Variants in TXLNA observed in about 807,000 individuals in gnomAD.
TXLNA encodes taxilin alpha, also known as alpha-taxilin.
Under a neutral mutation model 61.4 loss-of-function variants are expected in TXLNA, and 9 were observed. The ratio of observed to expected loss-of-function variants is 0.15; its 90% confidence interval spans 0.09 to 0.26. The LOEUF (loss-of-function observed/expected upper bound fraction) is 0.26, where lower values mean the gene tolerates loss of function less well. Among genes scored for constraint, TXLNA ranks in the 10% least tolerant of loss-of-function variants. The probability of loss-of-function intolerance (pLI) is 1.00; values close to 1 mark genes in which losing one functional copy is unlikely to be tolerated. For missense variants in TXLNA, 565 were observed against 688.8 expected (o/e 0.82, Z 2.01); for synonymous variants, 257 against 267.7 (o/e 0.96, Z 0.39).
At chr1:32,193,743 G>C (rs1476196202) in intron 9 of TXLNA, among the ~76,000 whole-genome samples, 2 of 151,418 alleles carry the variant, frequency 1.3e-5, no homozygotes, top group African/African-American at 4.9e-5. Flanking sequence ...TTTTAGTAGA[G>C]ACGGGGTTTC....
Position 32,193,202 on chromosome 1 carries a change from C to G in TXLNA, c.1159-6C>G. 6.2e-7 allele frequency: 1 copy of G among 1,612,136 alleles called. No homozygotes were observed. Among genetic ancestry groups the G allele is most frequent in the Non-Finnish European group, 8.5e-7 (1 of 1,178,366 alleles). On this transcript the variant is annotated splice_polypyrimidine_tract_variant and splice_region_variant and intron_variant, in intron 8 of 10. Transcript: ENST00000373610. ...GTCTTATCTGTGGGCTGCTTTCTCCCCACAGCTTGCCCTATACACAGAGAA... is the reference window on the plus strand; with the variant it reads ...GTCTTATCTGTGGGCTGCTTTCTCCGCACAGCTTGCCCTATACACAGAGAA...
chr1:32,194,179 G>A lies in TXLNA; in HGVS notation c.1347+19G>A. The A allele has an allele frequency of 6.2e-7, 1 of 1,605,592 alleles. No individual in the cohort carries two copies. The highest frequency in any genetic ancestry group is 1.1e-5 in the South Asian group (1 of 90,524). ...TGAGGAGGTGGGCTGTCTGTGATCTGCAGCCAGGGTGGGGGTGTGCACTTA... is the reference window on the plus strand; with the variant it reads ...TGAGGAGGTGGGCTGTCTGTGATCTACAGCCAGGGTGGGGGTGTGCACTTA... On this transcript the variant is annotated intron_variant, in intron 10 of 10. Transcript: ENST00000373610.
In TXLNA at chr1:32,192,178, G is replaced by A. The variant is rs867154292; in HGVS notation, c.964-133G>A. 19 of 1,332,222 alleles carry A rather than the reference G, an allele frequency of 1.4e-5. No individual in the cohort carries two copies. In the Middle Eastern group the frequency reaches 2.2e-3, roughly 153 times the overall value. The allele number at this position is 1,332,222 out of a possible 1,614,324, so 82.5% of individuals were successfully genotyped here. ...TCCAGAGACTTGGGGCCCATGTTGT[G>A]TGGTACACATGGGAGTCCATCATAT... is the stretch of plus-strand genomic sequence containing the variant. On this transcript the variant is annotated intron_variant, in intron 6 of 10. Coordinates refer to ENST00000373610, the MANE Select transcript of TXLNA (RefSeq NM_175852.4). The surrounding 1 kb of genome is among the most constrained non-coding windows in gnomAD (Gnocchi z 4.2).
At chr1:32,190,309 A>G in intron 6 of TXLNA, 60 bp downstream of exon 6, 2 of 1,494,356 alleles carry the variant, frequency 1.3e-6, no homozygotes, top group Non-Finnish European at 9.1e-7. Flanking sequence ...AGTGTGTGCT[A>G]GGCACTGGGA....
intron 4 of TXLNA, among the ~76,000 whole-genome samples, chr1:32,185,581 T>A (rs1049235411): frequency 2.1e-5 from 3 of 145,964 alleles, no homozygotes; most frequent in African/African-American, 5.1e-5. Context: ...TTTTTTTTTT[T>A]AGTAGAGACG....
At chr1:32,184,861 C>G (rs1308101166) in intron 4 of TXLNA, among the ~76,000 whole-genome samples, 1 of 152,202 alleles carries the variant, frequency 6.6e-6, no homozygotes, top group African/African-American at 2.4e-5. Context: ...AGCCCTTGTT[C>G]CTGGCCTGAG....
intron 6 of TXLNA, among the ~76,000 whole-genome samples, chr1:32,191,242 C>G (rs182218293): frequency 5.9e-5 from 9 of 152,320 alleles, no homozygotes; most frequent in African/African-American, 1.9e-4. Context: ...CTGCAGCCCC[C>G]TTACAGGGCT....
chr1:32,180,199 G>T, intron 1 of TXLNA, 115 bp from the exon 2 acceptor site: 1 of 1,150,098 alleles, frequency 8.7e-7, no homozygotes, highest in Middle Eastern at 2.1e-4. Flanking sequence ...CCCTCCGCCC[G>T]GGCCTGCCGG....
Position 32,196,614 on chromosome 1 carries a change from C to T in TXLNA, c.*1419C>T, listed in dbSNP as rs1463528638. On this transcript the variant is annotated 3_prime_UTR_variant, in exon 11 of 11. Transcript: ENST00000373610. ...ATGCTGAATGTTCTGCTGTTGCAAA[C>T]TTGCCAGGGTATTAGCCAGTGTTTG... 2 of 152,252 alleles carry T rather than the reference C, an allele frequency of 1.3e-5. No individual in the cohort carries two copies. Among genetic ancestry groups the T allele is most frequent in the African/African-American group, 2.4e-5 (1 of 41,450 alleles). 9.4% of individuals were successfully genotyped at this position (152,252 alleles called of 1,614,324 possible). A position where few individuals can be genotyped will look rare whatever the true frequency, so the allele number is the denominator to read the frequency against.
In TXLNA at chr1:32,181,475, C is replaced by G. The variant is rs1219746121; in HGVS notation, c.403C>G (p.Pro135Ala). The G allele has an allele frequency of 6.2e-7, 1 of 1,613,020 alleles. No individual in the cohort carries two copies. The highest frequency in any genetic ancestry group is 1.1e-5 in the South Asian group (1 of 90,882). The change falls in exon 3 of 11, where the codon CCC becomes GCC. Residue 135 changes from proline (P) to alanine (A), a missense_variant. This residue lies in a region of TXLNA where 192 missense variants were observed against 184.8 expected (regional missense o/e 1.04). Coordinates refer to ENST00000373610, the MANE Select transcript of TXLNA (RefSeq NM_175852.4). The stretch of plus-strand genomic sequence containing the variant: ...TCCAGTAGTCAATGGAGAGAAGGAA[C>G]CCTCCAAGGGGGATCCAAACACAGA... Reference protein sequence around the residue: ...PTPVVNGEKEPSKGDPNTEEI... With the variant: ...PTPVVNGEKEASKGDPNTEEI...
intron 6 of TXLNA, among the ~76,000 whole-genome samples, chr1:32,190,983 A>G (rs1243198219): frequency 6.6e-6 from 1 of 151,720 alleles, no homozygotes; most frequent in Non-Finnish European, 1.5e-5. Context: ...AGTCCCAGCT[A>G]CTCAGGAGGC....
intron 4 of TXLNA, 114 bp from the exon 5 acceptor site, chr1:32,187,840 G>A: frequency 8.4e-7 from 1 of 1,186,644 alleles, no homozygotes; most frequent in South Asian, 1.6e-5. Flanking sequence ...GAGTGCTCCT[G>A]GCCTGAGAGG....
At chr1:32,193,632 C>G (rs968012721) in intron 9 of TXLNA, among the ~76,000 whole-genome samples, 21 of 152,218 alleles carry the variant, frequency 1.4e-4, no homozygotes, top group African/African-American at 5.1e-4. Flanking sequence ...CCTTTGCCCC[C>G]CGGGTTCAAG....
At chr1:32,182,523 A>G (rs1299580989) in intron 3 of TXLNA, among the ~76,000 whole-genome samples, 2 of 151,834 alleles carry the variant, frequency 1.3e-5, no homozygotes, top group African/African-American at 2.4e-5. Flanking sequence ...TTAGCTGGAC[A>G]TGCTGGCACA....
rs1454662376 is a variant in TXLNA, at chr1:32,195,642, T to G, written c.*447T>G. 2 of 440,780 alleles carry G rather than the reference T, an allele frequency of 4.5e-6. No individual in the cohort carries two copies. The highest frequency in any genetic ancestry group is 9.0e-6 in the Non-Finnish European group (2 of 221,780). The allele number at this position is 440,780 out of a possible 1,614,324, so 27.3% of individuals were successfully genotyped here. A position where few individuals can be genotyped will look rare whatever the true frequency, so the allele number is the denominator to read the frequency against. On this transcript the variant is annotated 3_prime_UTR_variant, in exon 11 of 11. Transcript: ENST00000373610. ...CATTTGTCTTGTGAGCAGGGCTTGC[T>G]TGGTCAGCTCAGGCCCTCCTAGCTG...
intron 5 of TXLNA, 123 bp downstream of exon 5, chr1:32,188,247 GTGATTAAAAATCTTC>G (rs1642829260): frequency 1.2e-5 from 12 of 1,037,482 alleles, no homozygotes; most frequent in African/African-American, 1.6e-5. Flanking sequence ...GCACACATAA[GTGATTAAAAATCTTC>G]TGGCCACTAA....
chr1:32,193,973 C>A, intron 9 of TXLNA, 92 bp from the exon 10 acceptor site: 1 of 1,011,488 alleles, frequency 9.9e-7, no homozygotes, highest in Non-Finnish European at 1.5e-6. Context: ...TCATTCCCCA[C>A]CTTGGAGACA....
chr1:32,192,563 C>G lies in TXLNA; in HGVS notation c.1084-94C>G. On this transcript the variant is annotated intron_variant, in intron 7 of 10. Coordinates refer to ENST00000373610, the MANE Select transcript of TXLNA (RefSeq NM_175852.4). The surrounding 1 kb of genome is among the most constrained non-coding windows in gnomAD (Gnocchi z 4.2). ...GATTCCTTGAGTACCAGTCTGAGAG[C>G]AGGAAGCCTCAGTGGGTCTGGTGCT... The G allele has an allele frequency of 6.3e-7, 1 of 1,585,776 alleles. No individual in the cohort carries two copies. The highest frequency in any genetic ancestry group is 8.6e-7 in the Non-Finnish European group (1 of 1,157,350).
At chr1:32,186,787 C>CA (rs1642797826) in intron 4 of TXLNA, among the ~76,000 whole-genome samples, 1 of 152,212 alleles carries the variant, frequency 6.6e-6, no homozygotes, top group Non-Finnish European at 1.5e-5. Flanking sequence ...CTGGTAGTGA[C>CA]AAAGTCTAGA....
Sources: gnomAD v4.1 joint callset for allele counts (sites outside exome capture counted in the v4.1 genomes callset) on GRCh38, gnomAD v4.1.1 for gene constraint, gnomAD v4.1.1 regional missense constraint, Gnocchi (gnomAD v3.1) non-coding constraint, MANE v1.5 for transcripts, NCBI Gene and HGNC (gene_info 2026-07-23, HGNC 2026-07-21) for gene names.